Variants in C10orf90 observed in about 807,000 individuals in gnomAD.
C10orf90 encodes chromosome 10 open reading frame 90.
In C10orf90, 56 loss-of-function variants were observed where a neutral mutation model predicts 62.5. The ratio of observed to expected loss-of-function variants is 0.90; its 90% CI spans 0.72 to 1.12. The LOEUF is 1.12. Ranked by LOEUF, C10orf90 falls within the 50% of genes most tolerant of loss-of-function variation. The pLI is 0.00. For synonymous variants in C10orf90, 386 were observed against 340.4 expected (o/e 1.13, Z -1.47); for missense variants, 970 against 880.4 (o/e 1.10, Z -1.29).
chr10:126,433,041 A>G (rs1344904539), intron 7 of C10orf90, among the ~76,000 whole-genome samples: 1 of 152,108 alleles, frequency 6.6e-6, no homozygotes, highest in Non-Finnish European at 1.5e-5. Flanking sequence ...CAGCAGTGAG[A>G]TAGGTCAGGC....
rs767041687 is a variant in C10orf90 at position 126,504,335 on chromosome 10, C to T, written c.1156G>A (p.Val386Ile). ...QIASPKMHRS[V>I]LSLNLNCSSH... ...CTACAATTGAGGTTGAGCGACAGGA[C>T]GGATCTGTGCATTTTGGGGCTGGCA... is the stretch of plus-strand genomic sequence containing the variant. Residue 386 changes from valine (V) to isoleucine (I), a missense_variant, in exon 4 of 10, where the codon GTC (valine) becomes ATC (isoleucine). Physicochemically the swap from Val to Ile is conservative, Grantham distance 29. Coordinates refer to ENST00000488181, the MANE Select transcript of C10orf90 (RefSeq NM_001350921.2). This position sits in a 1 kb window ranked among gnomAD's most constrained non-coding sequence, Gnocchi z 4.1. The T allele has an allele frequency of 2.5e-6, 4 of 1,614,158 alleles. No homozygotes were observed. The highest frequency in any genetic ancestry group is 2.2e-5 in the East Asian group (1 of 44,870).
intron 2 of C10orf90, among the ~76,000 whole-genome samples, chr10:126,516,277 G>T (rs1863434152): frequency 6.6e-6 from 1 of 152,182 alleles, no homozygotes; most frequent in Admixed American, 6.5e-5. Context: ...GGGCAGGGTG[G>T]GGTGTGGAGT....
chr10:126,589,149 G>A (rs1844931658), intron 2 of C10orf90, among the ~76,000 whole-genome samples: 2 of 152,252 alleles, frequency 1.3e-5, no homozygotes, highest in South Asian at 4.1e-4. Context: ...AGGCAGACAA[G>A]AATAGAGAAA....
At chr10:126,443,396 G>T (rs1282189471) in intron 7 of C10orf90, among the ~76,000 whole-genome samples, 1 of 151,960 alleles carries the variant, frequency 6.6e-6, no homozygotes, top group African/African-American at 2.4e-5. Flanking sequence ...ACCTTTACGT[G>T]TATAAACTAG....
intron 7 of C10orf90, among the ~76,000 whole-genome samples, chr10:126,450,322 T>G (rs1401315010): frequency 6.6e-6 from 1 of 152,210 alleles, no homozygotes; most frequent in African/African-American, 2.4e-5. Context: ...TCAATGACAT[T>G]TTTCACAGAA....
rs1049504286 is a variant in C10orf90 at position 126,583,696 on chromosome 10, T to G, written c.313+62869A>C. 7.9e-5 allele frequency among the ~76,000 whole-genome samples: 12 copies of G among 152,312 alleles called. No individual in the cohort carries two copies. In the East Asian group the frequency reaches 2.3e-3, roughly 29 times the overall value. On this transcript the variant is annotated intron_variant, in intron 2 of 9. Coordinates refer to ENST00000488181, the MANE Select transcript of C10orf90 (RefSeq NM_001350921.2). ...TTGCCACAGCTGTCCGGAGTCTCTC[T>G]GCTTAGCTCTCCAGCTCTTACAAGG...
intron 7 of C10orf90, among the ~76,000 whole-genome samples, chr10:126,454,638 A>T (rs1363369706): frequency 6.6e-6 from 1 of 151,582 alleles, no homozygotes; most frequent in Non-Finnish European, 1.5e-5. Context: ...ATACCCCCTA[A>T]TACTTGCAGG....
At chr10:126,587,210 T>G (rs1844890631) in intron 2 of C10orf90, among the ~76,000 whole-genome samples, 1 of 152,258 alleles carries the variant, frequency 6.6e-6, no homozygotes, top group Non-Finnish European at 1.5e-5. Context: ...ACTTATGTTT[T>G]AAAGCATGCA....
intron 1 of C10orf90, among the ~76,000 whole-genome samples, chr10:126,653,029 T>C (rs1025576210): frequency 1.3e-5 from 2 of 152,178 alleles, no homozygotes; most frequent in African/African-American, 4.8e-5. Context: ...TGTCAAAAAA[T>C]GTACATACCT....
chr10:126,578,188 G>T (rs563310183), intron 2 of C10orf90, among the ~76,000 whole-genome samples: 1 of 152,198 alleles, frequency 6.6e-6, no homozygotes, highest in South Asian at 2.1e-4. Flanking sequence ...ACTATTAAGA[G>T]AGTGAAAATG....
intron 2 of C10orf90, among the ~76,000 whole-genome samples, chr10:126,517,007 C>T (rs1591056187): frequency 6.6e-6 from 1 of 150,418 alleles, no homozygotes; most frequent in South Asian, 2.2e-4. Flanking sequence ...GGCTACATTC[C>T]CCATCTCAAG....
chr10:126,617,325 G>T (rs1845560915), intron 2 of C10orf90, among the ~76,000 whole-genome samples: 1 of 152,176 alleles, frequency 6.6e-6, no homozygotes, highest in Non-Finnish European at 1.5e-5. Flanking sequence ...CCAATGAAAA[G>T]AAAGTTCTGC....
intron 2 of C10orf90, among the ~76,000 whole-genome samples, chr10:126,646,090 A>G (rs1237121754): frequency 6.6e-6 from 1 of 152,220 alleles, no homozygotes; most frequent in Non-Finnish European, 1.5e-5. Flanking sequence ...ATTTATGTTA[A>G]CAAACTTAAT....
At chr10:126,455,067 A>T (rs1859454684) in intron 7 of C10orf90, among the ~76,000 whole-genome samples, 1 of 152,056 alleles carries the variant, frequency 6.6e-6, no homozygotes, top group South Asian at 2.1e-4. Context: ...AACCCCTGGT[A>T]TCCACTACCT....
intron 2 of C10orf90, among the ~76,000 whole-genome samples, chr10:126,514,166 T>G (rs558795238): frequency 6.6e-6 from 1 of 152,300 alleles, no homozygotes; most frequent in South Asian, 2.1e-4. Context: ...AGATTTCTTC[T>G]TCCATATGAT....
intron 2 of C10orf90, among the ~76,000 whole-genome samples, chr10:126,580,984 C>T (rs114101562): frequency 2.2e-3 from 341 of 152,138 alleles, no homozygotes; most frequent in African/African-American, 7.8e-3. Context: ...ACAGTTGTTG[C>T]GGGAGGCATA....
intron 4 of C10orf90, among the ~76,000 whole-genome samples, chr10:126,494,424 A>G (rs1861928252): frequency 6.6e-6 from 1 of 152,154 alleles, no homozygotes; most frequent in South Asian, 2.1e-4. Flanking sequence ...CGAAGTGCAC[A>G]TTTGTTGCCC....
chr10:126,490,166 T>C lies in C10orf90; in HGVS notation c.1534+13791A>G, dbSNP rs375702392. Reference sequence around the variant, plus strand: ...TATACATATAATTAGAATATACACATGCAGTTAGAATACAATTAGAATATC... The same window carrying C: ...TATACATATAATTAGAATATACACACGCAGTTAGAATACAATTAGAATATC... On this transcript the variant is annotated intron_variant, in intron 4 of 9. Transcript: ENST00000488181. 4.8e-4 allele frequency among the ~76,000 whole-genome samples: 64 copies of C among 133,516 alleles called. 1 individual carries two copies. The highest frequency in any genetic ancestry group is 1.7e-3 in the African/African-American group (63 of 37,244). 87.6% of individuals were successfully genotyped at this position (133,516 alleles called of 152,430 possible). A position where few individuals can be genotyped will look rare whatever the true frequency, so the allele number is the denominator to read the frequency against.
At chr10:126,503,561 T>G (rs1862523265) in intron 4 of C10orf90, among the ~76,000 whole-genome samples, 2 of 152,206 alleles carry the variant, frequency 1.3e-5, no homozygotes, top group Non-Finnish European at 2.9e-5. Context: ...ATCTGGACAC[T>G]TCCAAACACG....
Sources: gnomAD v4.1 joint callset for allele counts (sites outside exome capture counted in the v4.1 genomes callset) on GRCh38, gnomAD v4.1.1 for gene constraint, Gnocchi (gnomAD v3.1) non-coding constraint, MANE v1.5 for transcripts, NCBI Gene and HGNC (gene_info 2026-07-23, HGNC 2026-07-21) for gene names.